EYS: variants seen among roughly 807,000 people sequenced by gnomAD.
The protein encoded by EYS is protein eyes shut homolog.
A neutral mutation model predicts 282.1 loss-of-function variants in EYS; 250 were observed. The observed-to-expected ratio is 0.89, with a 90% CI of 0.80 to 0.98. The LOEUF (loss-of-function observed/expected upper bound fraction) is 0.98. EYS is among the 50% of genes least tolerant of loss of function. The pLI is 0.00. For missense variants in EYS, 4,016 were observed against 3,709.0 expected, an observed-to-expected ratio of 1.08 and a Z score of -2.15; for synonymous variants, 1,355 against 1,282.9, an observed-to-expected ratio of 1.06 and a Z score of -1.20.
intron 26 of EYS, among the ~76,000 whole-genome samples, chr6:64,526,728 C>A (rs1031211876): frequency 6.6e-6 from 1 of 151,766 alleles, no homozygotes; most frequent in African/African-American, 2.4e-5. Context: ...ATATTATTGA[C>A]ATTTCTATTC....
intron 12 of EYS, among the ~76,000 whole-genome samples, chr6:65,279,469 C>T (rs1768157567): frequency 6.6e-6 from 1 of 152,138 alleles, no homozygotes; most frequent in Non-Finnish European, 1.5e-5. Context: ...ACCACACTTT[C>T]CCTAACTTAT....
At chr6:64,689,710 A>G (rs1001706604) in intron 22 of EYS, among the ~76,000 whole-genome samples, 1 of 152,202 alleles carries the variant, frequency 6.6e-6, no homozygotes, top group Non-Finnish European at 1.5e-5. Flanking sequence ...AAACCTGACA[A>G]AAACAAGCAA....
At chr6:64,029,185 C>T (rs1769691455) in intron 33 of EYS, among the ~76,000 whole-genome samples, 1 of 152,140 alleles carries the variant, frequency 6.6e-6, no homozygotes, top group Non-Finnish European at 1.5e-5. Context: ...AGCCTTCCCA[C>T]AGGACACAAC....
intron 2 of EYS, among the ~76,000 whole-genome samples, chr6:65,516,243 A>T (rs577161685): frequency 2.0e-5 from 3 of 152,074 alleles, no homozygotes; most frequent in African/African-American, 7.2e-5. Context: ...ATATGAATAA[A>T]CCTTTTATTT....
chr6:65,465,553 C>G (rs186509387), intron 5 of EYS, among the ~76,000 whole-genome samples: 1 of 151,976 alleles, frequency 6.6e-6, no homozygotes, highest in Non-Finnish European at 1.5e-5. Flanking sequence ...AGAAGGGTAA[C>G]ATAAGTTAGA....
At chr6:64,760,167 T>G (rs1266879891) in intron 22 of EYS, among the ~76,000 whole-genome samples, 4 of 152,142 alleles carry the variant, frequency 2.6e-5, no homozygotes, top group Non-Finnish European at 4.4e-5. Context: ...CCCCAAATAG[T>G]TGTATAGTTT....
intron 2 of EYS, among the ~76,000 whole-genome samples, chr6:65,519,787 T>A (rs1380443462): frequency 7.1e-6 from 1 of 140,358 alleles, no homozygotes; most frequent in African/African-American, 2.7e-5. Context: ...GTGCTCACAG[T>A]TCACTGCAGC....
intron 2 of EYS, among the ~76,000 whole-genome samples, chr6:65,609,402 GA>G (rs796774561): frequency 3.3e-4 from 50 of 150,884 alleles, no homozygotes; most frequent in Middle Eastern, 3.6e-3. Context: ...AAAATTACAT[GA>G]ATCTTTTAAA....
intron 13 of EYS, among the ~76,000 whole-genome samples, chr6:65,048,016 T>C (rs1016038261): frequency 2.0e-5 from 3 of 151,810 alleles, no homozygotes; most frequent in African/African-American, 7.3e-5. Context: ...ATATTGGGGC[T>C]CCCATTTGCC....
At chr6:64,131,016 T>A (rs1175775225) in intron 31 of EYS, among the ~76,000 whole-genome samples, 2 of 152,038 alleles carry the variant, frequency 1.3e-5, no homozygotes, top group African/African-American at 2.4e-5. Context: ...TATAGGCGTG[T>A]GCCACCATGC....
intron 12 of EYS, among the ~76,000 whole-genome samples, chr6:65,263,629 C>T (rs949928536): frequency 2.3e-4 from 35 of 151,052 alleles, no homozygotes; most frequent in Non-Finnish European, 4.7e-4. Flanking sequence ...AATATGTTTT[C>T]TATAAGGGTA....
At chr6:64,661,541 G>GA (rs1263243447) in intron 22 of EYS, among the ~76,000 whole-genome samples, 3 of 151,968 alleles carry the variant, frequency 2.0e-5, no homozygotes, top group Admixed American at 6.6e-5. Flanking sequence ...AAATTGACAA[G>GA]AAAAAAACAA....
At chr6:64,045,688 C>T (rs1248615246) in intron 33 of EYS, among the ~76,000 whole-genome samples, 1 of 150,858 alleles carries the variant, frequency 6.6e-6, no homozygotes, top group Non-Finnish European at 1.5e-5. Context: ...CTCAGATGAT[C>T]TGCCCGCCTC....
intron 12 of EYS, among the ~76,000 whole-genome samples, chr6:65,091,046 C>T (rs17637761): frequency 0.29 from 43,427 of 151,708 alleles, 6,453 homozygotes; most frequent in South Asian, 0.34. Context: ...ATTAAACATG[C>T]ATTTTTTAGA....
intron 2 of EYS, among the ~76,000 whole-genome samples, chr6:65,617,718 A>G (rs1766261998): frequency 1.3e-5 from 1 of 78,094 alleles, no homozygotes; most frequent in African/African-American, 5.0e-5. Context: ...CCACCCCACC[A>G]CAATCCCCAG....
intron 19 of EYS, among the ~76,000 whole-genome samples, chr6:64,840,354 T>A (rs1449649781): frequency 6.6e-6 from 1 of 152,066 alleles, no homozygotes; most frequent in Non-Finnish European, 1.5e-5. Context: ...TAACTTGCAG[T>A]CTATGATTTC....
At chr6:64,551,414 T>C (rs1176674071) in intron 26 of EYS, among the ~76,000 whole-genome samples, 1 of 151,984 alleles carries the variant, frequency 6.6e-6, no homozygotes, top group Admixed American at 6.6e-5. Flanking sequence ...ACTTTGCCTA[T>C]TCTTCTTACT....
At chr6:64,403,572 T>G (rs1367417373) in intron 28 of EYS, among the ~76,000 whole-genome samples, 3 of 152,176 alleles carry the variant, frequency 2.0e-5, no homozygotes, top group Non-Finnish European at 4.4e-5. Context: ...TTGGCCAGGC[T>G]GGTCTCGGAC....
intron 8 of EYS, among the ~76,000 whole-genome samples, chr6:65,360,139 G>A (rs4710518): frequency 0.67 from 102,255 of 151,654 alleles, 34,563 homozygotes; most frequent in South Asian, 0.71. Context: ...TTTTTATGAC[G>A]CCACCTTCTT....
Sources: allele counts gnomAD v4.1 joint callset (sites outside exome capture counted in the v4.1 genomes callset), GRCh38; gene constraint gnomAD v4.1.1; transcripts MANE v1.5; gene names NCBI Gene and HGNC (gene_info 2026-07-23, HGNC 2026-07-21).